Variants in DOP1B observed in about 807,000 individuals in gnomAD.
The protein encoded by DOP1B is DOP1 leucine zipper like protein B.
Under a neutral mutation model 233.5 loss-of-function variants are expected in DOP1B, and 174 were observed. The ratio of observed to expected loss-of-function variants is 0.75; its 90% CI spans 0.66 to 0.85. DOP1B has a LOEUF of 0.85. Among genes scored for constraint, DOP1B ranks in the 40% least tolerant of loss-of-function variants. The pLI is 0.00. For missense variants in DOP1B, 2,652 were observed against 2,846.6 expected, an observed-to-expected ratio of 0.93 and a Z score of 1.56; for synonymous variants, 1,190 against 1,185.6, an observed-to-expected ratio of 1.00 and a Z score of -0.08.
At chr21:36,270,680 G>A (rs1312917552) in intron 27 of DOP1B, among the ~76,000 whole-genome samples, 3 of 151,454 alleles carry the variant, frequency 2.0e-5, no homozygotes, top group Non-Finnish European at 2.9e-5. Context: ...TTGGGAGGCC[G>A]AGGTGGGTGG....
At position 36,291,413 on chromosome 21, in the gene DOP1B, TAGTC is replaced by T. The variant is rs570631868; in HGVS notation, c.6516-688_6516-685del. Among the ~76,000 whole-genome samples, 386 of 151,642 alleles carry T rather than the reference TAGTC, an allele frequency of 2.5e-3. 1 individual carries two copies. Among genetic ancestry groups the T allele is most frequent in the African/African-American group, 8.5e-3 (350 of 41,304 alleles). Reference sequence around the variant, plus strand: ...GTCTCTACTAAAAATACAAAAAAATTAGTCAGGCATGGTGGCAGGTGCCTGTAAT... The same window carrying T: ...GTCTCTACTAAAAATACAAAAAAATTAGGCATGGTGGCAGGTGCCTGTAAT... On this transcript the variant is annotated intron_variant, in intron 35 of 36. Coordinates refer to ENST00000691173, the MANE Select transcript of DOP1B (RefSeq NM_001320714.2).
chr21:36,223,876 C>T (rs1044530318), intron 11 of DOP1B, among the ~76,000 whole-genome samples: 1 of 152,122 alleles, frequency 6.6e-6, no homozygotes, highest in African/African-American at 2.4e-5. Flanking sequence ...TCCTGGAGAG[C>T]CCTTTCCCAT....
rs151294384 is a variant in DOP1B, at chr21:36,257,138, A to G, written c.5259+3229A>G. ...CGTTTACTGGTTTATTATAAAGGCT[A>G]CTACTGAGGATACAAATGAAGGGAT... On this transcript the variant is annotated intron_variant, in intron 23 of 36. Coordinates refer to ENST00000691173, the MANE Select transcript of DOP1B (RefSeq NM_001320714.2). 7.2e-4 allele frequency among the ~76,000 whole-genome samples: 110 copies of G among 152,278 alleles called. 1 individual carries two copies. The highest frequency in any genetic ancestry group is 2.3e-3 in the African/African-American group (97 of 41,566).
At chr21:36,208,234 C>T (rs2066451428) in intron 4 of DOP1B, among the ~76,000 whole-genome samples, 1 of 152,228 alleles carries the variant, frequency 6.6e-6, no homozygotes, top group Non-Finnish European at 1.5e-5. Flanking sequence ...TCACTTGGCA[C>T]ATTTTTGGCT....
intron 2 of DOP1B, among the ~76,000 whole-genome samples, chr21:36,187,184 T>C (rs1311467160): frequency 6.6e-6 from 1 of 150,512 alleles, no homozygotes; most frequent in Admixed American, 6.6e-5. Context: ...TAGCTGGCTG[T>C]CCTGCCCCTC....
chr21:36,166,201 A>G (rs990353154), intron 2 of DOP1B, among the ~76,000 whole-genome samples: 1 of 151,592 alleles, frequency 6.6e-6, no homozygotes, highest in Non-Finnish European at 1.5e-5. Flanking sequence ...TGGGAGGCCA[A>G]GGTGAGTGGC....
intron 14 of DOP1B, among the ~76,000 whole-genome samples, chr21:36,231,356 T>C (rs1383397496): frequency 6.6e-6 from 1 of 152,230 alleles, no homozygotes; most frequent in Non-Finnish European, 1.5e-5. Context: ...TCGAGCATCA[T>C]GTCAGTGCTA....
chr21:36,232,259 A>C (rs2066776324), intron 14 of DOP1B, among the ~76,000 whole-genome samples: 1 of 152,194 alleles, frequency 6.6e-6, no homozygotes, highest in South Asian at 2.1e-4. Context: ...CTGGGATTAC[A>C]GGCATGAGCC....
chr21:36,212,042 G>T lies in DOP1B; in HGVS notation c.849G>T (p.Gln283His), dbSNP rs754298902. 2 of 1,613,924 alleles carry T rather than the reference G, an allele frequency of 1.2e-6. No homozygotes were observed. Among genetic ancestry groups the T allele is most frequent in the South Asian group, 2.2e-5 (2 of 91,000 alleles). The change falls in exon 7 of 37, where the codon CAG (glutamine) becomes CAT (histidine). Residue 283 changes from glutamine to histidine, a missense_variant. Gln to His is a conservative substitution (Grantham distance 24). Around this residue, in one of 3 missense-constraint regions of DOP1B, gnomAD observed 2,617 missense variants for 2,794.3 expected, o/e 0.94. Transcript: ENST00000691173. ...DIVRILSAAT[Q>H]TLLRRDMSLN... The stretch of plus-strand genomic sequence containing the variant: ...TGCGCATTCTCTCAGCCGCCACCCA[G>T]ACCCTACTGAGAAGGGACATGTCCC...
At chr21:36,176,994 G>A (rs1173183232) in intron 2 of DOP1B, among the ~76,000 whole-genome samples, 1 of 152,128 alleles carries the variant, frequency 6.6e-6, no homozygotes, top group Middle Eastern at 3.4e-3. Flanking sequence ...AATTTTTTTT[G>A]TATTTTTTGT....
chr21:36,167,929 C>CTTTTTTTT lies in DOP1B; in HGVS notation c.138+3062_138+3063insTTTTTTTT, dbSNP rs1568996068. Among the ~76,000 whole-genome samples, 18 of 97,312 alleles carry CTTTTTTTT rather than the reference C, an allele frequency of 1.8e-4. 1 individual carries two copies. The highest frequency in any genetic ancestry group is 4.6e-4 in the African/African-American group (12 of 26,008). The allele number at this position is 97,312 out of a possible 152,430, so 63.8% of individuals were successfully genotyped here. On this transcript the variant is annotated intron_variant, in intron 2 of 36. Transcript: ENST00000691173. ...GGTAAGTCACATTTTCTTTTCTTTT[C>CTTTTTTTT]TTTTCTTTTTCTTTTTTTTTTTTTT...
intron 27 of DOP1B, among the ~76,000 whole-genome samples, chr21:36,275,514 G>A (rs568157493): frequency 5.3e-4 from 81 of 152,146 alleles, no homozygotes; most frequent in Admixed American, 1.5e-3. Flanking sequence ...AGCTTCTGAG[G>A]AGGCTGAGGT....
intron 4 of DOP1B, 45 bp downstream of exon 4, chr21:36,200,546 T>G (rs1192351557): frequency 1.3e-6 from 2 of 1,543,906 alleles, no homozygotes; most frequent in Non-Finnish European, 8.7e-7. Flanking sequence ...CACTGCTTTA[T>G]AAGACGCGGG....
chr21:36,277,735 A>G (rs934448043), intron 28 of DOP1B, among the ~76,000 whole-genome samples: 1 of 149,596 alleles, frequency 6.7e-6, no homozygotes, highest in African/African-American at 2.5e-5. Flanking sequence ...GCTCACTGCA[A>G]CCTCTGCCTC....
intron 1 of DOP1B, 103 bp downstream of exon 1, chr21:36,157,046 G>A (rs2065825824): frequency 1.3e-5 from 2 of 152,542 alleles, no homozygotes; most frequent in Non-Finnish European, 2.9e-5. Context: ...TCCTTCTCCG[G>A]GTCCAGAGGG....
At chr21:36,239,475 C>G (rs1324502122) in intron 17 of DOP1B, among the ~76,000 whole-genome samples, 1 of 152,214 alleles carries the variant, frequency 6.6e-6, no homozygotes, top group Non-Finnish European at 1.5e-5. Flanking sequence ...GGCACTCGGC[C>G]TTAGAGACAC....
intron 2 of DOP1B, among the ~76,000 whole-genome samples, chr21:36,196,995 T>C (rs555654180): frequency 1.1e-4 from 16 of 151,388 alleles, no homozygotes; most frequent in Admixed American, 2.0e-4. Flanking sequence ...CAGGCTAGAG[T>C]GCAGTTGGCT....
At chr21:36,263,482 T>A in intron 24 of DOP1B, 64 bp from the exon 25 acceptor site, 1 of 1,416,732 alleles carries the variant, frequency 7.1e-7, no homozygotes. Context: ...TTAAATATGC[T>A]TATAAATAAA....
At chr21:36,293,205 CAAA>C (rs3989100) in intron 36 of DOP1B, 112 bp from the exon 37 acceptor site, 10,180 of 1,017,242 alleles carry the variant, frequency 0.01, 2 homozygotes, top group East Asian at 0.022. Context: ...GACTCTGTCT[CAAA>C]AAAAAAAAAA....
Sources: gnomAD v4.1 joint callset for allele counts (sites outside exome capture counted in the v4.1 genomes callset) on GRCh38, gnomAD v4.1.1 for gene constraint, gnomAD v4.1.1 regional missense constraint, MANE v1.5 for transcripts, NCBI Gene and HGNC (gene_info 2026-07-23, HGNC 2026-07-21) for gene names.